Variants in CDH13 observed in about 807,000 individuals in gnomAD.
CDH13 encodes the protein cadherin 13, also known as cadherin-13.
In CDH13, 24 loss-of-function variants were observed where a neutral mutation model predicts 63.8. The observed-to-expected ratio is 0.38, with a 90% CI of 0.27 to 0.53. CDH13 has a LOEUF of 0.53. Ranked by LOEUF, CDH13 falls within the 20% of genes least tolerant of loss-of-function variation. CDH13 has a pLI of 0.85. For synonymous variants in CDH13, 503 were observed against 355.3 expected, an observed-to-expected ratio of 1.42 and a Z score of -4.67; for missense variants, 1,049 against 903.1, an observed-to-expected ratio of 1.16 and a Z score of -2.07.
In CDH13 at chr16:82,927,412, C is replaced by T. The variant is rs148091009; in HGVS notation, c.157+68939C>T. On this transcript the variant is annotated intron_variant, in intron 2 of 13. Transcript: ENST00000567109. ...TACAGAATATAACTTGAGCTATTTT[C>T]AGCCCATGTTTTACCATCTTCATAA... Among the ~76,000 whole-genome samples the T allele has an allele frequency of 5.6e-4, 86 of 152,248 alleles. No individual in the cohort carries two copies. In the East Asian group the frequency reaches 0.015, roughly 27 times the overall value.
At chr16:83,006,217 C>G (rs1344488581) in intron 2 of CDH13, among the ~76,000 whole-genome samples, 2 of 152,156 alleles carry the variant, frequency 1.3e-5, no homozygotes, top group African/African-American at 4.8e-5. Context: ...ACAAAAAAGA[C>G]CCAACACAAT....
At chr16:83,276,150 C>G (rs992388491) in intron 5 of CDH13, among the ~76,000 whole-genome samples, 1 of 152,078 alleles carries the variant, frequency 6.6e-6, no homozygotes, top group Admixed American at 6.6e-5. Context: ...GGCTGTTGTC[C>G]GAATCCTTTC....
At chr16:83,793,356 C>T (rs1379046287) in intron 13 of CDH13, among the ~76,000 whole-genome samples, 1 of 152,166 alleles carries the variant, frequency 6.6e-6, no homozygotes, top group Non-Finnish European at 1.5e-5. Flanking sequence ...GAGCCTCTCC[C>T]AGCCAACATT....
intron 1 of CDH13, among the ~76,000 whole-genome samples, chr16:82,795,792 C>T (rs538867078): frequency 5.5e-4 from 83 of 152,228 alleles, no homozygotes; most frequent in African/African-American, 1.9e-3. Flanking sequence ...CCCTTCTTTG[C>T]CAGTTTGTCT....
Position 83,456,439 on chromosome 16 carries a change from C to T in CDH13, c.782-30038C>T, listed in dbSNP as rs140649428. Among the ~76,000 whole-genome samples the T allele has an allele frequency of 8.0e-3, 1,211 of 152,204 alleles. 13 individuals are homozygous for T. The highest frequency in any genetic ancestry group is 0.013 in the Non-Finnish European group (852 of 68,004). On this transcript the variant is annotated intron_variant, in intron 6 of 13. Coordinates refer to ENST00000567109, the MANE Select transcript of CDH13 (RefSeq NM_001257.5). ...AGAAAGTTACCTGAGGGGTCAGTTG[C>T]AGTACAACGTGAAAGACGTCATGAC... is the stretch of plus-strand genomic sequence containing the variant.
At chr16:83,545,415 C>T (rs1343559429) in intron 7 of CDH13, among the ~76,000 whole-genome samples, 3 of 152,184 alleles carry the variant, frequency 2.0e-5, no homozygotes, top group Non-Finnish European at 2.9e-5. Context: ...TCTATTGGGA[C>T]ACCAGAGGAG....
At chr16:83,254,865 C>G (rs1208580600) in intron 5 of CDH13, among the ~76,000 whole-genome samples, 1 of 152,124 alleles carries the variant, frequency 6.6e-6, no homozygotes, top group African/African-American at 2.4e-5. Context: ...AAAATGGTCC[C>G]TACTAGGGGA....
intron 7 of CDH13, among the ~76,000 whole-genome samples, chr16:83,499,932 A>G (rs1195293652): frequency 6.6e-6 from 1 of 152,124 alleles, no homozygotes; most frequent in Non-Finnish European, 1.5e-5. Context: ...CCTCCCAAGT[A>G]GCTGGGATTA....
At chr16:83,460,058 A>G (rs1041483277) in intron 6 of CDH13, among the ~76,000 whole-genome samples, 57 of 152,288 alleles carry the variant, frequency 3.7e-4, no homozygotes, top group African/African-American at 1.3e-3. Flanking sequence ...TCTAAACTCA[A>G]TAAGATAGCA....
At chr16:82,682,246 A>G (rs919731264) in intron 1 of CDH13, among the ~76,000 whole-genome samples, 11 of 152,214 alleles carry the variant, frequency 7.2e-5, no homozygotes, top group African/African-American at 2.7e-4. Flanking sequence ...CTAAAAGTGC[A>G]GATTCCCAGG....
intron 1 of CDH13, among the ~76,000 whole-genome samples, chr16:82,759,557 C>G (rs922977917): frequency 6.7e-6 from 1 of 149,742 alleles, no homozygotes; most frequent in Non-Finnish European, 1.5e-5. Flanking sequence ...TATAATATAA[C>G]ATGAATATAA....
intron 7 of CDH13, among the ~76,000 whole-genome samples, chr16:83,519,504 C>T (rs892366779): frequency 6.6e-6 from 1 of 152,210 alleles, no homozygotes; most frequent in East Asian, 1.9e-4. Context: ...TTTGAGCAAA[C>T]TAACAGAGGA....
intron 6 of CDH13, among the ~76,000 whole-genome samples, chr16:83,348,102 A>G (rs1174823626): frequency 6.6e-6 from 1 of 152,148 alleles, no homozygotes; most frequent in African/African-American, 2.4e-5. Flanking sequence ...AGGCAGGAGA[A>G]TTGCTTGAAC....
intron 5 of CDH13, among the ~76,000 whole-genome samples, chr16:83,334,150 C>T (rs1297484653): frequency 6.6e-6 from 1 of 152,086 alleles, no homozygotes; most frequent in Non-Finnish European, 1.5e-5. Flanking sequence ...TCACATATCC[C>T]ATCACTCTGA....
At chr16:83,375,378 T>C (rs1325187532) in intron 6 of CDH13, among the ~76,000 whole-genome samples, 2 of 152,194 alleles carry the variant, frequency 1.3e-5, no homozygotes, top group Non-Finnish European at 2.9e-5. Context: ...GGGTCTGAAG[T>C]GTACAGTGAC....
chr16:82,752,271 C>T (rs1420241129), intron 1 of CDH13, among the ~76,000 whole-genome samples: 3 of 152,186 alleles, frequency 2.0e-5, no homozygotes, highest in East Asian at 1.9e-4. Context: ...TAGTGGATTT[C>T]TCCGGACTGT....
intron 1 of CDH13, among the ~76,000 whole-genome samples, chr16:82,732,129 A>C (rs988563161): frequency 6.6e-6 from 1 of 152,230 alleles, no homozygotes; most frequent in Non-Finnish European, 1.5e-5. Flanking sequence ...ATGATGAATT[A>C]TGTGCTGGCT....
At chr16:83,095,931 C>A (rs2151591745) in intron 3 of CDH13, among the ~76,000 whole-genome samples, 1 of 152,250 alleles carries the variant, frequency 6.6e-6, no homozygotes, top group Admixed American at 6.5e-5. Context: ...ATGCCAATTT[C>A]AGGGGATCTG....
intron 10 of CDH13, among the ~76,000 whole-genome samples, chr16:83,711,005 C>T (rs1342917251): frequency 6.6e-6 from 1 of 152,192 alleles, no homozygotes; most frequent in Non-Finnish European, 1.5e-5. Context: ...GGAAGCCCCG[C>T]AGGCTGCTCA....
Sources: allele counts gnomAD v4.1 joint callset (sites outside exome capture counted in the v4.1 genomes callset), GRCh38; gene constraint gnomAD v4.1.1; transcripts MANE v1.5; gene names NCBI Gene and HGNC (gene_info 2026-07-23, HGNC 2026-07-21).